ANKRD36B: variants seen among roughly 807,000 people sequenced by gnomAD.
ANKRD36B encodes ankyrin repeat domain-containing protein 36B.
A neutral mutation model predicts 135.7 loss-of-function variants in ANKRD36B; 37 were observed. The observed-to-expected ratio is 0.27, with a 90% CI of 0.21 to 0.36. The LOEUF is 0.36. Among genes scored for constraint, ANKRD36B ranks in the 10% least tolerant of loss-of-function variants. The pLI, the probability that ANKRD36B is intolerant of heterozygous loss-of-function variation, is 1.00. For synonymous variants in ANKRD36B, 179 were observed against 348.1 expected (o/e 0.51, Z 5.41); for missense variants, 549 against 1,037.1 (o/e 0.53, Z 6.46).
At position 97,578,974 on chromosome 2, in the gene ANKRD36B, A is replaced by G; in HGVS notation, c.627T>C (p.Ile209=). The G allele has an allele frequency of 1.2e-6, 2 of 1,613,008 alleles. No homozygotes were observed. Among genetic ancestry groups the G allele is most frequent in the Non-Finnish European group, 1.7e-6 (2 of 1,179,248 alleles). The change falls in exon 5 of 44, where the codon ATT becomes ATC. Residue 209 remains isoleucine, a synonymous_variant. Transcript: ENST00000359901. ...DIVILLLQHN[I]DVFSRDVYGK... The stretch of plus-strand genomic sequence containing the variant: ...CATACACATCTCGAGAAAACACATC[A>G]ATATTGTGCTGCAGAAGAAGAATGA...
At position 97,525,119 on chromosome 2, in the gene ANKRD36B, G is replaced by A. The variant is rs2104394797; in HGVS notation, c.2266-1652C>T. The stretch of plus-strand genomic sequence containing the variant: ...AATCACTGGATTGTAACTAAGAAGT[G>A]AAAAATAATTTGCATTAGCCTAAAA... On this transcript the variant is annotated intron_variant, in intron 35 of 43. Coordinates refer to ENST00000359901, the MANE Select transcript of ANKRD36B (RefSeq NM_001393939.1). 2 of 97,378 alleles carry A rather than the reference G, an allele frequency of 2.1e-5. 1 individual carries two copies. Among genetic ancestry groups the A allele is most frequent in the South Asian group, 4.6e-4 (2 of 4,304 alleles). 6.0% of individuals were successfully genotyped at this position (97,378 alleles called of 1,614,324 possible).
intron 8 of ANKRD36B, among the ~76,000 whole-genome samples, chr2:97,559,979 T>C (rs1227302708): frequency 1.3e-5 from 2 of 151,918 alleles, no homozygotes; most frequent in African/African-American, 4.8e-5. Flanking sequence ...AACATGTATC[T>C]CTGATGCCTA....
At chr2:97,560,039 C>T (rs1208989180) in intron 8 of ANKRD36B, among the ~76,000 whole-genome samples, 2 of 151,888 alleles carry the variant, frequency 1.3e-5, no homozygotes, top group African/African-American at 2.4e-5. Context: ...CCAATTCTAG[C>T]ACTGTTTCCT....
intron 6 of ANKRD36B, among the ~76,000 whole-genome samples, chr2:97,574,988 C>A (rs1274149834): frequency 6.6e-6 from 1 of 151,992 alleles, no homozygotes; most frequent in Non-Finnish European, 1.5e-5. Context: ...ACATCAATAG[C>A]CCACATTACA....
intron 20 of ANKRD36B, 125 bp from the exon 21 acceptor site, chr2:97,547,856 T>C (rs1189532124): frequency 2.2e-6 from 3 of 1,394,328 alleles, no homozygotes; most frequent in African/African-American, 2.8e-5. Flanking sequence ...TGATGGCTTC[T>C]ACTTTGTGTC....
At chr2:97,582,179 G>A (rs920597661) in intron 3 of ANKRD36B, among the ~76,000 whole-genome samples, 9 of 152,068 alleles carry the variant, frequency 5.9e-5, no homozygotes, top group Non-Finnish European at 8.8e-5. Context: ...CATAACCTAT[G>A]CAACTATACC....
rs552033750 is a variant in ANKRD36B at position 97,578,196 on chromosome 2, T to G, written c.695+710A>C. 1.0e-3 allele frequency among the ~76,000 whole-genome samples: 156 copies of G among 152,180 alleles called. 3 individuals carry two copies. The East Asian group carries it at 0.013, about 12-fold the overall frequency. On this transcript the variant is annotated intron_variant, in intron 5 of 43. Coordinates refer to ENST00000359901, the MANE Select transcript of ANKRD36B (RefSeq NM_001393939.1). ...GCTAACAGAGCAAGGTTCTGCTGTTTTGGAAACAATGGCTGAGCATATAAG... is the reference window on the plus strand; with the variant it reads ...GCTAACAGAGCAAGGTTCTGCTGTTGTGGAAACAATGGCTGAGCATATAAG...
rs1394545513 is a variant in ANKRD36B, at chr2:97,526,730, C to T, written c.2266-3263G>A. ...TTAAAGGAGCTGATGGAGCTGAAAGCGGAGGCTCGAGAACTACGTGAAGAA... is the reference window on the plus strand; with the variant it reads ...TTAAAGGAGCTGATGGAGCTGAAAGTGGAGGCTCGAGAACTACGTGAAGAA... On this transcript the variant is annotated intron_variant, in intron 35 of 43. Transcript: ENST00000359901. Among the ~76,000 whole-genome samples, 6 of 97,012 alleles carry T rather than the reference C, an allele frequency of 6.2e-5. 2 individuals are homozygous for T. Among genetic ancestry groups the T allele is most frequent in the African/African-American group, 1.9e-4 (6 of 32,256 alleles). 63.6% of individuals were successfully genotyped at this position (97,012 alleles called of 152,430 possible).
chr2:97,496,821 A>ATG (rs2077312147), intron 43 of ANKRD36B, among the ~76,000 whole-genome samples: 1 of 63,370 alleles, frequency 1.6e-5, no homozygotes, highest in African/African-American at 6.8e-5. Flanking sequence ...GTGTGTATGT[A>ATG]TATATGTGTG....
At chr2:97,545,448 T>A (rs546044559) in intron 24 of ANKRD36B, among the ~76,000 whole-genome samples, 1 of 95,768 alleles carries the variant, frequency 1.0e-5, no homozygotes, top group South Asian at 2.4e-4. Flanking sequence ...TGGTTCTTTT[T>A]CCCAATTTCA....
Position 97,539,873 on chromosome 2 carries a change from C to A in ANKRD36B, c.1987+161G>T. 8.8e-6 allele frequency: 3 copies of A among 339,828 alleles called. 1 individual carries two copies. The highest frequency in any genetic ancestry group is 1.9e-5 in the Non-Finnish European group (3 of 162,096). 21.1% of individuals were successfully genotyped at this position (339,828 alleles called of 1,614,324 possible). On this transcript the variant is annotated intron_variant, in intron 30 of 43. Transcript: ENST00000359901. ...CTTCGAAGATCACGTCCAAGACCAG[C>A]AGCATCAGCGTCACCCGAGAACTTA...
rs2083163151 is a variant in ANKRD36B at position 97,588,226 on chromosome 2, A to G, written c.161+1299T>C. ...TTCTGTGACATGAAAATCTAGCCAG[A>G]TTTCTCCAAATAGTTAGCAGGCACT... On this transcript the variant is annotated intron_variant, in intron 1 of 43. Transcript: ENST00000359901. Among the ~76,000 whole-genome samples the G allele has an allele frequency of 2.0e-5, 3 of 152,212 alleles. No homozygotes were observed. In the South Asian group the frequency reaches 6.2e-4, roughly 32 times the overall value.
At position 97,528,260 on chromosome 2, in the gene ANKRD36B, C is replaced by T. The variant is rs372117419; in HGVS notation, c.2265+4051G>A. ...CAGGATTAAGAAACTCACTAAAAAC[C>T]GCTCAACTACATGGAAACTGAACAA... On this transcript the variant is annotated intron_variant, in intron 35 of 43. Transcript: ENST00000359901. Among the ~76,000 whole-genome samples the T allele has an allele frequency of 7.4e-5, 7 of 94,660 alleles. 2 individuals are homozygous for T. The highest frequency in any genetic ancestry group is 4.7e-4 in the East Asian group (2 of 4,240). 62.1% of individuals were successfully genotyped at this position (94,660 alleles called of 152,430 possible). A position where few individuals can be genotyped will look rare whatever the true frequency, so the allele number is the denominator to read the frequency against.
intron 4 of ANKRD36B, among the ~76,000 whole-genome samples, chr2:97,579,973 T>C (rs1288128459): frequency 2.0e-5 from 3 of 152,226 alleles, no homozygotes; most frequent in African/African-American, 7.2e-5. Flanking sequence ...CCCAGTCCTG[T>C]GTGAACCTAA....
chr2:97,548,487 G>A (rs1465070167), intron 20 of ANKRD36B, among the ~76,000 whole-genome samples: 1 of 151,926 alleles, frequency 6.6e-6, no homozygotes, highest in Admixed American at 6.6e-5. Flanking sequence ...ATTAGATACT[G>A]ATCAGTTTCT....
chr2:97,558,943 C>T, intron 9 of ANKRD36B, 23 bp downstream of exon 9: 1 of 1,605,426 alleles, frequency 6.2e-7, no homozygotes, highest in Non-Finnish European at 8.5e-7. Context: ...AATAGTTCAA[C>T]ATATAAATGA....
intron 16 of ANKRD36B, 68 bp from the exon 17 acceptor site, chr2:97,551,548 A>C: frequency 6.2e-7 from 1 of 1,600,016 alleles, no homozygotes; most frequent in South Asian, 1.1e-5. Context: ...ACATTCATGC[A>C]GTGTTTGTAT....
chr2:97,551,980 T>C (rs937624129), intron 16 of ANKRD36B, among the ~76,000 whole-genome samples: 3 of 151,978 alleles, frequency 2.0e-5, no homozygotes, highest in African/African-American at 4.8e-5. Context: ...ACTTCACATC[T>C]CTTCACTGGT....
intron 6 of ANKRD36B, among the ~76,000 whole-genome samples, chr2:97,572,740 T>TAA (rs201219626): frequency 9.6e-5 from 14 of 145,352 alleles, no homozygotes; most frequent in Non-Finnish European, 1.4e-4. Flanking sequence ...GGGACGAAAT[T>TAA]AAAAAAAAAA....
Sources: gnomAD v4.1 joint callset for allele counts (sites outside exome capture counted in the v4.1 genomes callset) on GRCh38, gnomAD v4.1.1 for gene constraint, MANE v1.5 for transcripts, NCBI Gene and HGNC (gene_info 2026-07-23, HGNC 2026-07-21) for gene names.